HOXA4: variants seen among roughly 807,000 people sequenced by gnomAD.
The protein encoded by HOXA4 is homeobox protein Hox-A4.
Under a neutral mutation model 25.3 loss-of-function variants are expected in HOXA4, and 31 were observed. The observed-to-expected ratio is 1.22, with a 90% confidence interval of 0.92 to 1.65. The LOEUF (loss-of-function observed/expected upper bound fraction) is 1.65, where lower values mean the gene tolerates loss of function less well. Ranked by LOEUF, HOXA4 falls within the 40% of genes most tolerant of loss-of-function variation. The pLI is 0.00. For missense variants in HOXA4, 459 were observed against 446.0 expected (o/e 1.03, Z -0.26); for synonymous variants, 225 against 207.7 (o/e 1.08, Z -0.72).
intron 1 of HOXA4, 110 bp from the exon 2 acceptor site, chr7:27,129,681 T>A: frequency 8.4e-7 from 1 of 1,187,864 alleles, no homozygotes; most frequent in Non-Finnish European, 1.2e-6. Flanking sequence ...ACATCATCAT[T>A]ATATAATAAC....
chr7:27,129,670 G>T, intron 1 of HOXA4, 99 bp from the exon 2 acceptor site: 10 of 1,284,512 alleles, frequency 7.8e-6, no homozygotes, highest in Non-Finnish European at 1.1e-5. Flanking sequence ...AGAGCAATTG[G>T]ACATCATCAT....
Position 27,129,262 on chromosome 7 carries a change from T to C in HOXA4, c.926A>G (p.His309Arg), listed in dbSNP as rs769510422. Residue 309 changes from histidine (H) to arginine (R), a missense_variant, in exon 2 of 2, where the codon CAC (histidine) becomes CGC (arginine). By Grantham distance (29) the His-to-Arg change is conservative. Transcript: ENST00000360046. ...GGGAACGGGTGTGGAGGTGCTCGGGTGGGGGTGGGGATGGAGGTGTGGGCT... is the reference window on the plus strand; with the variant it reads ...GGGAACGGGTGTGGAGGTGCTCGGGCGGGGGTGGGGATGGAGGTGTGGGCT... ...TQSPHLHPHP[H>R]PSTSTPVPSS... The C allele has an allele frequency of 2.1e-6, 3 of 1,455,002 alleles. No homozygotes were observed. Among genetic ancestry groups the C allele is most frequent in the East Asian group, 2.6e-5 (1 of 38,090 alleles). 90.1% of individuals were successfully genotyped at this position (1,455,002 alleles called of 1,614,324 possible).
Position 27,129,533 on chromosome 7 carries a change from G to T in HOXA4, c.655C>A (p.Arg219=), listed in dbSNP as rs750350573. The part of the protein sequence containing the change: ...SYNGGEPKRS[R]TAYTRQQVLE... Reference sequence around the variant, plus strand: ...ACCTGCTGCCGGGTGTAGGCGGTTCGAGAGCGCTTAGGCTCCCCTCCGTTA... The same window carrying T: ...ACCTGCTGCCGGGTGTAGGCGGTTCTAGAGCGCTTAGGCTCCCCTCCGTTA... Residue 219 remains arginine, a synonymous_variant, in exon 2 of 2, where the codon CGA becomes AGA. Coordinates refer to ENST00000360046, the MANE Select transcript of HOXA4 (RefSeq NM_002141.5). 5 of 1,613,878 alleles carry T rather than the reference G, an allele frequency of 3.1e-6. No individual in the cohort carries two copies. The African/African-American group carries it at 6.7e-5, about 22-fold the overall frequency.
chr7:27,130,710 T>G lies in HOXA4; in HGVS notation c.24A>C (p.Ile8=). MTMSSFL[I]NSNYIEPKFP... is the part of the protein sequence containing the mutation. ...ACTTGGGCTCGATGTAGTTGGAGTT[T>G]ATCAAAAACGAGCTCATGGTCATTA... Residue 8 remains isoleucine, a synonymous_variant, in exon 1 of 2, where the codon ATA becomes ATC. Transcript: ENST00000360046. 2 of 1,608,074 alleles carry G rather than the reference T, an allele frequency of 1.2e-6. No homozygotes were observed. The highest frequency in any genetic ancestry group is 1.7e-6 in the Non-Finnish European group (2 of 1,177,050).
rs764158995 is a variant in HOXA4, at chr7:27,129,511, T to G, written c.677A>C (p.Gln226Pro). Residue 226 changes from glutamine to proline, a missense_variant, in exon 2 of 2, where the codon CAG becomes CCG. By Grantham distance (76) the Gln-to-Pro change is moderately conservative. Coordinates refer to ENST00000360046, the MANE Select transcript of HOXA4 (RefSeq NM_002141.5). Reference sequence around the variant, plus strand: ...GAACTCCTTCTCCAGCTCCAAGACCTGCTGCCGGGTGTAGGCGGTTCGAGA... The same window carrying G: ...GAACTCCTTCTCCAGCTCCAAGACCGGCTGCCGGGTGTAGGCGGTTCGAGA... ...KRSRTAYTRQQVLELEKEFHF... is the reference protein window; with the variant it reads ...KRSRTAYTRQPVLELEKEFHF... 3.7e-6 allele frequency: 6 copies of G among 1,614,008 alleles called. No homozygotes were observed. The highest frequency in any genetic ancestry group is 5.1e-6 in the Non-Finnish European group (6 of 1,180,026).
chr7:27,130,572 C>T lies in HOXA4; in HGVS notation c.162G>A (p.Pro54=), dbSNP rs1384120516. Residue 54 remains proline (P), a synonymous_variant, in exon 1 of 2, where the codon CCG becomes CCA. Coordinates refer to ENST00000360046, the MANE Select transcript of HOXA4 (RefSeq NM_002141.5). ...QPPAPPTQHL[P]LQQPQLPHAG... is the part of the protein sequence containing the mutation. ...CGTGAGGGAGCTGGGGCTGCTGCAG[C>T]GGCAGGTGCTGGGTCGGGGGCGCTG... 2.8e-6 allele frequency: 4 copies of T among 1,446,190 alleles called. No homozygotes were observed. The highest frequency in any genetic ancestry group is 2.7e-5 in the Admixed American group (1 of 37,196). 89.6% of individuals were successfully genotyped at this position (1,446,190 alleles called of 1,614,324 possible).
Position 27,130,207 on chromosome 7 carries a change from G to A in HOXA4, c.527C>T (p.Pro176Leu), listed in dbSNP as rs943571673. The A allele has an allele frequency of 1.3e-6, 2 of 1,535,716 alleles. No homozygotes were observed. Among genetic ancestry groups the A allele is most frequent in the Non-Finnish European group, 1.7e-6 (2 of 1,146,918 alleles). The stretch of plus-strand genomic sequence containing the variant: ...CGGGCTCTTGTCGGCCAAGAGCAGC[G>A]GGCACGCGGGGGCGCTGCCCCCTGC... ...VPAGGSAPAC[P>L]LLLADKSPLG... is the part of the protein sequence containing the mutation. The change falls in exon 1 of 2, where the codon CCG (proline) becomes CTG (leucine). Residue 176 changes from proline (P) to leucine (L), a missense_variant. Transcript: ENST00000360046.
chr7:27,128,651 C>T lies in HOXA4; in HGVS notation c.*574G>A. The T allele has an allele frequency of 6.2e-6, 1 of 160,222 alleles. No homozygotes were observed. Among genetic ancestry groups the T allele is most frequent in the Non-Finnish European group, 1.4e-5 (1 of 72,006 alleles). 9.9% of individuals were successfully genotyped at this position (160,222 alleles called of 1,614,324 possible). ...AAGACCGTGCCCCAGAAGGGGACAA[C>T]AGTATCTCTGTAACAGTGTCTTAAA... On this transcript the variant is annotated 3_prime_UTR_variant, in exon 2 of 2. Coordinates refer to ENST00000360046, the MANE Select transcript of HOXA4 (RefSeq NM_002141.5).
At position 27,129,527 on chromosome 7, in the gene HOXA4, C is replaced by A; in HGVS notation, c.661G>T (p.Ala221Ser). 1 of 1,613,914 alleles carries A rather than the reference C, an allele frequency of 6.2e-7. No homozygotes were observed. Among genetic ancestry groups the A allele is most frequent in the Non-Finnish European group, 8.5e-7 (1 of 1,179,990 alleles). The stretch of plus-strand genomic sequence containing the variant: ...TCCAAGACCTGCTGCCGGGTGTAGG[C>A]GGTTCGAGAGCGCTTAGGCTCCCCT... ...NGGEPKRSRT[A>S]YTRQQVLELE... The change falls in exon 2 of 2, where the codon GCC (alanine) becomes TCC (serine). Residue 221 changes from alanine to serine, a missense_variant. Physicochemically the swap from Ala to Ser is moderately conservative, Grantham distance 99. Coordinates refer to ENST00000360046, the MANE Select transcript of HOXA4 (RefSeq NM_002141.5).
chr7:27,130,160 G>C lies in HOXA4; in HGVS notation c.574C>G (p.Pro192Ala). 5.6e-6 allele frequency: 9 copies of C among 1,601,632 alleles called. No homozygotes were observed. Among genetic ancestry groups the C allele is most frequent in the Non-Finnish European group, 7.6e-6 (9 of 1,177,368 alleles). The change falls in exon 1 of 2, where the codon CCC (proline) becomes GCC (alanine). Residue 192 changes from proline to alanine, a missense_variant. Physicochemically the swap from Pro to Ala is conservative, Grantham distance 27. Transcript: ENST00000360046. ...TTCTTCATCCAGGGGTACACCACGG[G>C]CTCCTTGCCCTTCAGGCCCAGCGGG... ...KSPLGLKGKE[P>A]VVYPWMKKIH...
rs1785404030 is a variant in HOXA4 at position 27,129,155 on chromosome 7, G to A, written c.*70C>T. The A allele has an allele frequency of 3.2e-6, 3 of 945,442 alleles. No individual in the cohort carries two copies. Among genetic ancestry groups the A allele is most frequent in the Non-Finnish European group, 5.3e-6 (3 of 571,420 alleles). The allele number at this position is 945,442 out of a possible 1,614,324, so 58.6% of individuals were successfully genotyped here. On this transcript the variant is annotated 3_prime_UTR_variant, in exon 2 of 2. Coordinates refer to ENST00000360046, the MANE Select transcript of HOXA4 (RefSeq NM_002141.5). ...ATGGTCCAGATGGGGAGGGGTGGAT[G>A]AGGAACGGAGCAGGAGAAGAGAAGA...
Position 27,130,351 on chromosome 7 carries a change from T to C in HOXA4, c.383A>G (p.His128Arg). 4.4e-6 allele frequency: 5 copies of C among 1,126,364 alleles called. No homozygotes were observed. The highest frequency in any genetic ancestry group is 5.4e-6 in the Non-Finnish European group (5 of 920,808). 69.8% of individuals were successfully genotyped at this position (1,126,364 alleles called of 1,614,324 possible). The change falls in exon 1 of 2, where the codon CAC (histidine) becomes CGC (arginine). Residue 128 changes from histidine to arginine, a missense_variant. Coordinates refer to ENST00000360046, the MANE Select transcript of HOXA4 (RefSeq NM_002141.5). ...CAGGACGTGGCTCGCATGCAGGCCG[T>C]GCGCTGGGCCCTTGGCTTGCGCCGG... Reference protein sequence around the residue: ...QPPAQAKGPAHGLHASHVLQP... With the variant: ...QPPAQAKGPARGLHASHVLQP...
At chr7:27,130,069 A>C (rs1290611565) in intron 1 of HOXA4, 49 bp downstream of exon 1, 24 of 1,539,524 alleles carry the variant, frequency 1.6e-5, no homozygotes, top group East Asian at 2.4e-5. Context: ...CCTCGAACCC[A>C]GGCCCAGCCC....
chr7:27,130,709 T>G lies in HOXA4; in HGVS notation c.25A>C (p.Asn9His), dbSNP rs906313727. The G allele has an allele frequency of 4.6e-5, 74 of 1,607,996 alleles. No individual in the cohort carries two copies. The highest frequency in any genetic ancestry group is 6.2e-5 in the Non-Finnish European group (73 of 1,177,106). Reference protein sequence around the residue: MTMSSFLINSNYIEPKFPP... With the variant: MTMSSFLIHSNYIEPKFPP... ...AACTTGGGCTCGATGTAGTTGGAGTTTATCAAAAACGAGCTCATGGTCATT... is the reference window on the plus strand; with the variant it reads ...AACTTGGGCTCGATGTAGTTGGAGTGTATCAAAAACGAGCTCATGGTCATT... The change falls in exon 1 of 2, where the codon AAC (asparagine) becomes CAC (histidine). Residue 9 changes from asparagine to histidine, a missense_variant. Coordinates refer to ENST00000360046, the MANE Select transcript of HOXA4 (RefSeq NM_002141.5).
rs534027729 is a variant in HOXA4, at chr7:27,129,256, C to T, written c.932G>A (p.Ser311Asn). Residue 311 changes from serine (S) to asparagine (N), a missense_variant, in exon 2 of 2, where the codon AGC becomes AAC. Ser to Asn is a conservative substitution (Grantham distance 46). Coordinates refer to ENST00000360046, the MANE Select transcript of HOXA4 (RefSeq NM_002141.5). ...SPHLHPHPHP[S>N]TSTPVPSSI ...GGAGGAGGGAACGGGTGTGGAGGTG[C>T]TCGGGTGGGGGTGGGGATGGAGGTG... 2.7e-5 allele frequency: 43 copies of T among 1,599,638 alleles called. No individual in the cohort carries two copies. In the South Asian group the frequency reaches 4.5e-4, roughly 17 times the overall value.
chr7:27,130,205 G>A lies in HOXA4; in HGVS notation c.529C>T (p.Leu177=). 1 of 1,549,350 alleles carries A rather than the reference G, an allele frequency of 6.5e-7. No homozygotes were observed. The highest frequency in any genetic ancestry group is 1.2e-5 in the South Asian group (1 of 86,018). ...AGCGGGCTCTTGTCGGCCAAGAGCAGCGGGCACGCGGGGGCGCTGCCCCCT... is the reference window on the plus strand; with the variant it reads ...AGCGGGCTCTTGTCGGCCAAGAGCAACGGGCACGCGGGGGCGCTGCCCCCT... ...PAGGSAPACP[L]LLADKSPLGL... Residue 177 remains leucine, a synonymous_variant, in exon 1 of 2, where the codon CTG becomes TTG. Coordinates refer to ENST00000360046, the MANE Select transcript of HOXA4 (RefSeq NM_002141.5).
chr7:27,130,002 A>C, intron 1 of HOXA4, 116 bp downstream of exon 1: 1 of 1,243,930 alleles, frequency 8.0e-7, no homozygotes, highest in Non-Finnish European at 1.1e-6. Flanking sequence ...CCCGGGTCAG[A>C]TGGGGGCTCC....
intron 1 of HOXA4, 164 bp downstream of exon 1, chr7:27,129,954 C>T: frequency 1.3e-6 from 1 of 748,798 alleles, no homozygotes; most frequent in Non-Finnish European, 2.1e-6. Flanking sequence ...TGGGATCAGG[C>T]GGCTGGCTGG....
At chr7:27,130,010 T>TAG (rs1785453509) in intron 1 of HOXA4, 108 bp downstream of exon 1, 1 of 1,287,568 alleles carries the variant, frequency 7.8e-7, no homozygotes, top group African/African-American at 1.5e-5. Context: ...AGATGGGGGC[T>TAG]CCCCTCCCGA....
Sources: allele counts gnomAD v4.1 joint callset, GRCh38; gene constraint gnomAD v4.1.1; transcripts MANE v1.5; gene names NCBI Gene and HGNC (gene_info 2026-07-23, HGNC 2026-07-21).